The following DDX46 variants were observed in gnomAD, a reference collection of about 807,000 sequenced individuals.
DDX46 encodes DEAD-box helicase 46.
A neutral mutation model predicts 134.9 loss-of-function variants in DDX46; 30 were observed. The observed-to-expected ratio is 0.22, with a 90% CI of 0.17 to 0.30. The LOEUF (loss-of-function observed/expected upper bound fraction) is 0.30. Among genes scored for constraint, DDX46 ranks in the 10% least tolerant of loss-of-function variants. DDX46 has a pLI of 1.00. For synonymous variants in DDX46, 415 were observed against 404.1 expected (o/e 1.03, Z -0.32); for missense variants, 622 against 1,248.7 (o/e 0.50, Z 7.56).
intron 15 of DDX46, chr5:134,797,167 CAAAA>C (rs61547263): frequency 3.8e-3 from 87 of 22,870 alleles, no homozygotes; most frequent in South Asian, 6.5e-3. Context: ...AACTCCGTCT[CAAAA>C]AAAAAAAAAA....
At chr5:134,780,079 C>T (rs1011101383) in intron 6 of DDX46, among the ~76,000 whole-genome samples, 5 of 147,084 alleles carry the variant, frequency 3.4e-5, no homozygotes, top group African/African-American at 1.3e-4. Flanking sequence ...CAGAATAAGA[C>T]TCAGTCTGAA....
At chr5:134,818,690 G>A (rs377109550) in intron 20 of DDX46, among the ~76,000 whole-genome samples, 170 bp from the exon 21 acceptor site, 7 of 147,152 alleles carry the variant, frequency 4.8e-5, no homozygotes, top group South Asian at 4.3e-4. Context: ...CAAAAAGAGC[G>A]AAAACTCCGT....
intron 10 of DDX46, 99 bp from the exon 11 acceptor site, chr5:134,785,366 G>T: frequency 7.4e-7 from 1 of 1,356,434 alleles, no homozygotes; most frequent in South Asian, 2.2e-5. Flanking sequence ...AAAATTAGGT[G>T]AAACAATCTG....
intron 6 of DDX46, among the ~76,000 whole-genome samples, chr5:134,778,834 A>G (rs541801435): frequency 8.5e-5 from 13 of 152,070 alleles, no homozygotes; most frequent in Admixed American, 7.2e-4. Context: ...TTGGCCTCCC[A>G]AAGTACTGGG....
chr5:134,777,617 A>C lies in DDX46; in HGVS notation c.657A>C (p.Glu219Asp). 1 of 1,613,606 alleles carries C rather than the reference A, an allele frequency of 6.2e-7. No homozygotes were observed. The highest frequency in any genetic ancestry group is 8.5e-7 in the Non-Finnish European group (1 of 1,179,904). ...DPAEAEKEGN[E>D]MEGEELDPLD... is the part of the protein sequence containing the mutation. ...CAGAAGCTGAAAAGGAGGGAAATGA[A>C]ATGGAGGGTGAGGAGTTAGATCCAT... The change falls in exon 6 of 23, where the codon GAA (glutamate) becomes GAC (aspartate). Residue 219 changes from glutamate to aspartate, a missense_variant. Transcript: ENST00000452510.
chr5:134,830,169 G>GAAAAAAAAAAA lies in DDX46; in HGVS notation c.*1468_*1478dup, dbSNP rs57416807. On this transcript the variant is annotated 3_prime_UTR_variant, in exon 23 of 23. Transcript: ENST00000452510. Reference sequence around the variant, plus strand: ...TTAAACCAACCACAGATCAAAAATAGAAAAAAAAAAAAAAAGAAAAAAAGA... The same window carrying GAAAAAAAAAAA: ...TTAAACCAACCACAGATCAAAAATAGAAAAAAAAAAAAAAAAAAAAAAAAAAGAAAAAAAGA... 5.3e-4 allele frequency: 29 copies of GAAAAAAAAAAA among 54,764 alleles called. No homozygotes were observed. Among genetic ancestry groups the GAAAAAAAAAAA allele is most frequent in the East Asian group, 1.4e-3 (3 of 2,110 alleles). The allele number at this position is 54,764 out of a possible 1,614,324, so 3.4% of individuals were successfully genotyped here.
chr5:134,828,160 A>G (rs1217996776), intron 22 of DDX46, among the ~76,000 whole-genome samples: 1 of 152,130 alleles, frequency 6.6e-6, no homozygotes, highest in Non-Finnish European at 1.5e-5. Flanking sequence ...TACAGTGTGT[A>G]CATTTCCTTT....
intron 6 of DDX46, among the ~76,000 whole-genome samples, chr5:134,779,387 T>C (rs767410081): frequency 6.6e-6 from 1 of 152,058 alleles, no homozygotes; most frequent in Non-Finnish European, 1.5e-5. Flanking sequence ...AGAGACAGGG[T>C]TTCACCATGT....
intron 1 of DDX46, among the ~76,000 whole-genome samples, chr5:134,762,875 T>A (rs955189242): frequency 1.3e-4 from 20 of 152,004 alleles, no homozygotes; most frequent in African/African-American, 4.6e-4. Flanking sequence ...GCTAACATGG[T>A]GAAACCCCAT....
chr5:134,765,122 G>T (rs1230998423), intron 2 of DDX46, among the ~76,000 whole-genome samples: 1 of 149,344 alleles, frequency 6.7e-6, no homozygotes, highest in Non-Finnish European at 1.5e-5. Context: ...AGGCTGGAGT[G>T]CAGTGGCACG....
chr5:134,769,853 G>A (rs1753705024), intron 3 of DDX46, among the ~76,000 whole-genome samples: 1 of 151,930 alleles, frequency 6.6e-6, no homozygotes, highest in Non-Finnish European at 1.5e-5. Context: ...GGCCGAGTTG[G>A]GGTTTCACCA....
In DDX46 at chr5:134,775,565, C is replaced by A. The variant is rs184545034; in HGVS notation, c.613+1704C>A. Reference sequence around the variant, plus strand: ...AGCTGGGATTACAGGTGTACACCACCACGCCCAGCTAATTTTTTTGTATTT... The same window carrying A: ...AGCTGGGATTACAGGTGTACACCACAACGCCCAGCTAATTTTTTTGTATTT... On this transcript the variant is annotated intron_variant, in intron 5 of 22. Transcript: ENST00000452510. Among the ~76,000 whole-genome samples, 10 of 152,192 alleles carry A rather than the reference C, an allele frequency of 6.6e-5. No homozygotes were observed. The East Asian group carries it at 1.9e-3, about 29-fold the overall frequency.
chr5:134,825,504 T>C (rs1445505198), intron 21 of DDX46, among the ~76,000 whole-genome samples: 1 of 152,202 alleles, frequency 6.6e-6, no homozygotes, highest in African/African-American at 2.4e-5. Flanking sequence ...ATTTCTAATA[T>C]GGGGGGAAAT....
At chr5:134,810,382 A>G (rs1167864433) in intron 16 of DDX46, among the ~76,000 whole-genome samples, 1 of 150,730 alleles carries the variant, frequency 6.6e-6, no homozygotes, top group East Asian at 2.0e-4. Context: ...CTTGTCACCC[A>G]GACTGGAGTG....
intron 5 of DDX46, among the ~76,000 whole-genome samples, chr5:134,776,868 C>T (rs528683910): frequency 6.1e-5 from 9 of 146,418 alleles, no homozygotes; most frequent in African/African-American, 1.8e-4. Context: ...AAGCTGAGAT[C>T]GCGACACTGC....
At chr5:134,776,613 A>C (rs1163234890) in intron 5 of DDX46, among the ~76,000 whole-genome samples, 1 of 152,054 alleles carries the variant, frequency 6.6e-6, no homozygotes, top group Admixed American at 6.6e-5. Context: ...TCAGGGATCA[A>C]CTGTAATTGA....
At chr5:134,822,168 C>T (rs919405314) in intron 21 of DDX46, among the ~76,000 whole-genome samples, 17 of 152,264 alleles carry the variant, frequency 1.1e-4, no homozygotes, top group South Asian at 4.1e-4. Flanking sequence ...CCTGGGCCAC[C>T]GTGCCCAGCC....
intron 2 of DDX46, 120 bp from the exon 3 acceptor site, chr5:134,766,797 G>A: frequency 8.3e-7 from 1 of 1,210,676 alleles, no homozygotes; most frequent in Non-Finnish European, 1.1e-6. Flanking sequence ...TTACTTCATT[G>A]AGACCTCCAC....
intron 1 of DDX46, among the ~76,000 whole-genome samples, chr5:134,760,413 T>C (rs2150126367): frequency 6.6e-6 from 1 of 152,268 alleles, no homozygotes; most frequent in East Asian, 1.9e-4. Context: ...ATTTTATCTT[T>C]TTTGAGAAGT....
Sources: allele counts gnomAD v4.1 joint callset (sites outside exome capture counted in the v4.1 genomes callset), GRCh38; gene constraint gnomAD v4.1.1; transcripts MANE v1.5; gene names NCBI Gene and HGNC (gene_info 2026-07-23, HGNC 2026-07-21).